PRDM6: variants seen among roughly 807,000 people sequenced by gnomAD.
PRDM6 encodes putative histone-lysine N-methyltransferase PRDM6.
PRDM6 carries 25 observed loss-of-function variants against 60.8 expected under a neutral mutation model. That is an observed-to-expected ratio of 0.41 (90% CI 0.30 to 0.57). The LOEUF is 0.57. Among genes scored for constraint, PRDM6 ranks in the 20% least tolerant of loss-of-function variants. PRDM6 has a pLI of 0.27. For missense variants in PRDM6, 839 were observed against 821.3 expected (o/e 1.02, Z -0.26); for synonymous variants, 407 against 357.4 (o/e 1.14, Z -1.57).
chr5:123,170,904 C>T lies in PRDM6; in HGVS notation c.1292C>T (p.Ser431Phe). ...FPQTPCSRNFSLLDKSGPIES... is the reference protein window; with the variant it reads ...FPQTPCSRNFFLLDKSGPIES... ...CAGACTCCGTGCAGCAGGAACTTCT[C>T]TCTTCTGGATAAGTCTGGGCCCATT... Residue 431 changes from serine (S) to phenylalanine (F), a missense_variant, in exon 6 of 8, where the codon TCT (serine) becomes TTT (phenylalanine). Around this residue, in one of 2 missense-constraint regions of PRDM6, gnomAD observed 730 missense variants for 648.8 expected, o/e 1.13. Coordinates refer to ENST00000407847, the MANE Select transcript of PRDM6 (RefSeq NM_001136239.4). 2 of 1,552,202 alleles carry T rather than the reference C, an allele frequency of 1.3e-6. No homozygotes were observed.
chr5:123,130,939 G>A (rs1764819567), intron 3 of PRDM6, among the ~76,000 whole-genome samples: 1 of 152,180 alleles, frequency 6.6e-6, no homozygotes, highest in African/African-American at 2.4e-5. Flanking sequence ...ATTAAAAATT[G>A]CTTTTGAGCC....
chr5:123,142,855 A>G (rs530549738), intron 3 of PRDM6, among the ~76,000 whole-genome samples: 1 of 139,058 alleles, frequency 7.2e-6, no homozygotes, highest in Non-Finnish European at 1.6e-5. Flanking sequence ...AATCAAATTC[A>G]AAATGAAAGC....
intron 3 of PRDM6, among the ~76,000 whole-genome samples, chr5:123,145,153 C>G (rs759196440): frequency 6.1e-4 from 93 of 152,198 alleles, no homozygotes; most frequent in Non-Finnish European, 2.6e-4. Context: ...AGCTTTGCCT[C>G]TCTTTAAGTC....
At chr5:123,157,525 A>G (rs551481242) in intron 4 of PRDM6, among the ~76,000 whole-genome samples, 3 of 151,116 alleles carry the variant, frequency 2.0e-5, no homozygotes, top group South Asian at 2.1e-4. Flanking sequence ...GTTTTTTACA[A>G]CTCCCCCTTT....
Position 123,189,906 on chromosome 5 carries a change from G to T in PRDM6, c.*2705G>T, listed in dbSNP as rs1766373545. On this transcript the variant is annotated 3_prime_UTR_variant, in exon 8 of 8. Transcript: ENST00000407847. The stretch of plus-strand genomic sequence containing the variant: ...AATCTAAGTGTATGCTGGGGAGGAG[G>T]TTTCTCTTTGAAACTTCCTAACAAT... 1 of 152,156 alleles carries T rather than the reference G, an allele frequency of 6.6e-6. No homozygotes were observed. The highest frequency in any genetic ancestry group is 2.4e-5 in the African/African-American group (1 of 41,442). The allele number at this position is 152,156 out of a possible 1,614,324, so 9.4% of individuals were successfully genotyped here. A position where few individuals can be genotyped will look rare whatever the true frequency, so the allele number is the denominator to read the frequency against.
chr5:123,137,495 A>T (rs602648), intron 3 of PRDM6, among the ~76,000 whole-genome samples: 109,651 of 151,544 alleles, frequency 0.72, 39,805 homozygotes, highest in Non-Finnish European at 0.74. Context: ...AAGTGTGGTA[A>T]GTTGTTGTAT....
chr5:123,100,365 T>C (rs1050629933), intron 3 of PRDM6, among the ~76,000 whole-genome samples: 21 of 152,156 alleles, frequency 1.4e-4, no homozygotes, highest in Non-Finnish European at 2.8e-4. Flanking sequence ...GACCTTTATG[T>C]CCCATTCCAA....
At chr5:123,184,240 C>T (rs546983261) in intron 7 of PRDM6, among the ~76,000 whole-genome samples, 8 of 152,150 alleles carry the variant, frequency 5.3e-5, no homozygotes, top group Admixed American at 2.6e-4. Context: ...AACTTGACAT[C>T]GCTTTGTTAA....
At chr5:123,121,856 T>G (rs1764587482) in intron 3 of PRDM6, among the ~76,000 whole-genome samples, 1 of 150,996 alleles carries the variant, frequency 6.6e-6, no homozygotes, top group Non-Finnish European at 1.5e-5. Flanking sequence ...TTTTTTAGTT[T>G]TTTTTTTTTT....
chr5:123,123,860 A>G (rs1219610181), intron 3 of PRDM6, among the ~76,000 whole-genome samples: 2 of 152,112 alleles, frequency 1.3e-5, no homozygotes, highest in Non-Finnish European at 2.9e-5. Context: ...GTTAGAGGGC[A>G]ACTGAAAGAG....
At chr5:123,154,779 G>T (rs781552575) in intron 3 of PRDM6, among the ~76,000 whole-genome samples, 7 of 152,194 alleles carry the variant, frequency 4.6e-5, no homozygotes, top group Non-Finnish European at 1.0e-4. Flanking sequence ...GGATGCTCTG[G>T]AGAAGTAGCT....
intron 2 of PRDM6, among the ~76,000 whole-genome samples, chr5:123,096,192 GAA>G (rs1371068922): frequency 8.5e-3 from 2 of 236 alleles, no homozygotes; most frequent in Non-Finnish European, 0.021. Flanking sequence ...GATTTTAAGA[GAA>G]AGTATGAACA....
intron 3 of PRDM6, among the ~76,000 whole-genome samples, chr5:123,125,288 G>A (rs1764671129): frequency 6.6e-6 from 1 of 152,036 alleles, no homozygotes; most frequent in African/African-American, 2.4e-5. Context: ...TTAAGTCTTG[G>A]TGACTCATAG....
At chr5:123,163,968 A>C (rs1000539122) in intron 5 of PRDM6, among the ~76,000 whole-genome samples, 1 of 151,944 alleles carries the variant, frequency 6.6e-6, no homozygotes, top group Non-Finnish European at 1.5e-5. Context: ...GGTGCCCCTC[A>C]CCCCCACCGT....
chr5:123,130,528 T>C (rs1764808159), intron 3 of PRDM6, among the ~76,000 whole-genome samples: 1 of 151,704 alleles, frequency 6.6e-6, no homozygotes, highest in Admixed American at 6.6e-5. Context: ...CAGAATCTTT[T>C]TGTAGTGACT....
intron 3 of PRDM6, among the ~76,000 whole-genome samples, chr5:123,137,920 G>T (rs1765001596): frequency 6.6e-6 from 1 of 152,122 alleles, no homozygotes; most frequent in African/African-American, 2.4e-5. Flanking sequence ...CTGATTTCAA[G>T]TCATTTTAAG....
chr5:123,136,302 C>CA (rs1349919407), intron 3 of PRDM6, among the ~76,000 whole-genome samples: 2 of 151,878 alleles, frequency 1.3e-5, no homozygotes, highest in African/African-American at 4.8e-5. Flanking sequence ...GGTGACCCAC[C>CA]ACTTCTATTT....
At chr5:123,097,077 A>G (rs1182214968) in intron 2 of PRDM6, among the ~76,000 whole-genome samples, 1 of 152,160 alleles carries the variant, frequency 6.6e-6, no homozygotes, top group Non-Finnish European at 1.5e-5. Context: ...ACTTATTTCT[A>G]TTTCCATGGG....
rs1764046374 is a variant in PRDM6 at position 123,099,475 on chromosome 5, G to A, written c.593-179G>A. On this transcript the variant is annotated intron_variant, in intron 2 of 7. Transcript: ENST00000407847. The surrounding 1 kb of genome is among the most constrained non-coding windows in gnomAD (Gnocchi z 4.0). ...GCGGCGAATTCCAAGGGAGCGGCGC[G>A]GGTTCTCTTCTCCTCCTCCTCTGAG... Among the ~76,000 whole-genome samples, 1 of 152,176 alleles carries A rather than the reference G, an allele frequency of 6.6e-6. No homozygotes were observed. Among genetic ancestry groups the A allele is most frequent in the Admixed American group, 6.5e-5 (1 of 15,288 alleles).
Sources: allele counts gnomAD v4.1 joint callset (sites outside exome capture counted in the v4.1 genomes callset), GRCh38; gene constraint gnomAD v4.1.1; regional missense constraint gnomAD v4.1.1; non-coding constraint Gnocchi (gnomAD v3.1); transcripts MANE v1.5; gene names NCBI Gene and HGNC (gene_info 2026-07-23, HGNC 2026-07-21).